The following CELF4 variants were observed in gnomAD, a reference collection of about 807,000 sequenced individuals.
CELF4 encodes CUG-BP- and ETR-3-like factor 4.
A neutral mutation model predicts 59.9 loss-of-function variants in CELF4; 18 were observed. The observed-to-expected ratio is 0.30, with a 90% CI of 0.21 to 0.45. The LOEUF (loss-of-function observed/expected upper bound fraction) is 0.45, where lower values mean the gene tolerates loss of function less well. CELF4 is among the 20% of genes least tolerant of loss of function. CELF4 has a pLI of 1.00. For missense variants in CELF4, 456 were observed against 689.0 expected (o/e 0.66, Z 3.79); for synonymous variants, 261 against 267.1 (o/e 0.98, Z 0.22).
intron 2 of CELF4, among the ~76,000 whole-genome samples, chr18:37,395,081 TC>T (rs1397794797): frequency 1.3e-5 from 2 of 152,060 alleles, no homozygotes; most frequent in Non-Finnish European, 2.9e-5. Flanking sequence ...GTTTCCCATA[TC>T]TTCCTGGGCT....
At chr18:37,395,384 C>G (rs2099230897) in intron 2 of CELF4, among the ~76,000 whole-genome samples, 1 of 152,182 alleles carries the variant, frequency 6.6e-6, no homozygotes. Context: ...CTCTCCCTTC[C>G]AGGCTCTTGC....
intron 2 of CELF4, among the ~76,000 whole-genome samples, chr18:37,341,351 G>A (rs1386253803): frequency 1.3e-5 from 2 of 152,198 alleles, no homozygotes; most frequent in Non-Finnish European, 2.9e-5. Flanking sequence ...GCTGACAGTG[G>A]GAGTGGTCTG....
At chr18:37,524,021 G>A (rs918671429) in intron 1 of CELF4, among the ~76,000 whole-genome samples, 2 of 152,192 alleles carry the variant, frequency 1.3e-5, no homozygotes, top group African/African-American at 2.4e-5. Flanking sequence ...CCTGGGTGCC[G>A]TGGATATCCC....
chr18:37,486,696 A>T (rs1462372299), intron 1 of CELF4, among the ~76,000 whole-genome samples: 1 of 152,196 alleles, frequency 6.6e-6, no homozygotes, highest in Non-Finnish European at 1.5e-5. Context: ...GACCTTTTCA[A>T]GCCACCCATG....
chr18:37,361,575 C>T (rs1395626828), intron 2 of CELF4, among the ~76,000 whole-genome samples: 1 of 152,186 alleles, frequency 6.6e-6, no homozygotes, highest in Admixed American at 6.5e-5. Flanking sequence ...GCCTCGTTTA[C>T]AGTTGCACCC....
chr18:37,495,975 C>T (rs543429118), intron 1 of CELF4, among the ~76,000 whole-genome samples: 1 of 152,164 alleles, frequency 6.6e-6, no homozygotes, highest in African/African-American at 2.4e-5. Flanking sequence ...TAGGACAGAC[C>T]CTCCCTTTGG....
intron 3 of CELF4, among the ~76,000 whole-genome samples, chr18:37,312,920 G>A (rs889285224): frequency 1.3e-5 from 2 of 152,202 alleles, no homozygotes; most frequent in African/African-American, 2.4e-5. Flanking sequence ...CTGGAGCAGG[G>A]TCTGGAACAA....
At chr18:37,524,341 G>C (rs2099961037) in intron 1 of CELF4, among the ~76,000 whole-genome samples, 1 of 152,200 alleles carries the variant, frequency 6.6e-6, no homozygotes, top group African/African-American at 2.4e-5. Context: ...GCCGATTTCA[G>C]ATGGCTTCGA....
chr18:37,318,383 CT>C (rs2096944657), intron 3 of CELF4, among the ~76,000 whole-genome samples: 1 of 152,026 alleles, frequency 6.6e-6, no homozygotes, highest in African/African-American at 2.4e-5. Flanking sequence ...TCCTCCACCC[CT>C]CTCCCATTCC....
intron 2 of CELF4, among the ~76,000 whole-genome samples, chr18:37,364,932 GA>G (rs2098756445): frequency 6.6e-6 from 1 of 152,166 alleles, no homozygotes; most frequent in South Asian, 2.1e-4. Context: ...GAGGAGGTAG[GA>G]GAGACGGAAG....
intron 2 of CELF4, among the ~76,000 whole-genome samples, chr18:37,325,179 C>T (rs1475657129): frequency 2.6e-5 from 4 of 152,104 alleles, no homozygotes; most frequent in African/African-American, 9.7e-5. Flanking sequence ...TGAGGCCATT[C>T]CTGAGGCAGG....
rs1436869263 is a variant in CELF4 at position 37,565,630 on chromosome 18, C to A, written c.12G>T (p.Lys4Asn). The A allele has an allele frequency of 6.3e-7, 1 of 1,593,960 alleles. No homozygotes were observed. The highest frequency in any genetic ancestry group is 8.6e-7 in the Non-Finnish European group (1 of 1,168,418). ...CCTGTCCGTTTGCTAACGTGGCCAT[C>A]TTTATATACATAGAGAAAATCTTCT... MYIKMATLANGQAD... is the reference protein window; with the variant it reads MYINMATLANGQAD... The change falls in exon 1 of 13, where the codon AAG (lysine) becomes AAT (asparagine). Residue 4 changes from lysine to asparagine, a missense_variant. Lys to Asn is a moderately conservative substitution (Grantham distance 94). This residue lies in a region of CELF4 where 70 missense variants were observed against 69.5 expected (regional missense o/e 1.01). Transcript: ENST00000420428.
At chr18:37,514,285 C>A (rs192321765) in intron 1 of CELF4, among the ~76,000 whole-genome samples, 1 of 152,270 alleles carries the variant, frequency 6.6e-6, no homozygotes, top group African/African-American at 2.4e-5. Flanking sequence ...CTTCCCCTCT[C>A]TCTCCTAGGA....
intron 2 of CELF4, among the ~76,000 whole-genome samples, chr18:37,469,885 C>A (rs985948575): frequency 1.3e-5 from 2 of 152,158 alleles, no homozygotes; most frequent in Non-Finnish European, 2.9e-5. Flanking sequence ...AGCAAAGCTC[C>A]ATGGGGTCTG....
rs1248401139 is a variant in CELF4 at position 37,272,572 on chromosome 18, G to GACAAAA, written c.949+443_949+444insTTTTGT. On this transcript the variant is annotated intron_variant, in intron 7 of 12. Transcript: ENST00000420428. ...AGTCTAGATTGGGTTAAAGGGAAAT[G>GACAAAA]AAAAAAAAAAAAAAAAAAAAAAGAC... is the stretch of plus-strand genomic sequence containing the variant. Among the ~76,000 whole-genome samples the GACAAAA allele has an allele frequency of 4.0e-4, 42 of 104,924 alleles. 1 individual carries two copies. Among genetic ancestry groups the GACAAAA allele is most frequent in the African/African-American group, 1.5e-3 (42 of 28,384 alleles). 68.8% of individuals were successfully genotyped at this position (104,924 alleles called of 152,430 possible). A position where few individuals can be genotyped will look rare whatever the true frequency, so the allele number is the denominator to read the frequency against.
intron 3 of CELF4, among the ~76,000 whole-genome samples, chr18:37,283,049 C>G (rs1258434466): frequency 6.6e-6 from 1 of 152,078 alleles, no homozygotes; most frequent in African/African-American, 2.4e-5. Flanking sequence ...ACCTGCTCTT[C>G]CCCGCCCCCA....
chr18:37,532,299 T>A (rs535610614), intron 1 of CELF4, among the ~76,000 whole-genome samples: 1 of 152,226 alleles, frequency 6.6e-6, no homozygotes, highest in Non-Finnish European at 1.5e-5. Context: ...GCACTTTGAA[T>A]GCGTGTTCCT....
At chr18:37,348,192 T>C (rs931186939) in intron 2 of CELF4, among the ~76,000 whole-genome samples, 3 of 151,786 alleles carry the variant, frequency 2.0e-5, no homozygotes, top group African/African-American at 7.3e-5. Context: ...AGCACAGAGA[T>C]CAGTTACTAT....
chr18:37,337,332 C>A (rs566270519), intron 2 of CELF4, among the ~76,000 whole-genome samples: 58 of 152,278 alleles, frequency 3.8e-4, no homozygotes, highest in African/African-American at 1.3e-3. Flanking sequence ...ATCTTCAGAG[C>A]CACCTGAGGG....
Sources: allele counts gnomAD v4.1 joint callset (sites outside exome capture counted in the v4.1 genomes callset), GRCh38; gene constraint gnomAD v4.1.1; regional missense constraint gnomAD v4.1.1; transcripts MANE v1.5; gene names NCBI Gene and HGNC (gene_info 2026-07-23, HGNC 2026-07-21).